FANCI: variants seen among roughly 807,000 people sequenced by gnomAD.
The protein encoded by FANCI is FA complementation group I, also known as Fanconi anemia group I protein.
In FANCI, 156 loss-of-function variants were observed where a neutral mutation model predicts 176.1. The ratio of observed to expected loss-of-function variants is 0.89; its 90% CI spans 0.78 to 1.01. The LOEUF (loss-of-function observed/expected upper bound fraction) is 1.01. Among genes scored for constraint, FANCI ranks in the 50% least tolerant of loss-of-function variants. The probability of loss-of-function intolerance (pLI) is 0.00; values close to 1 mark genes in which losing one functional copy is unlikely to be tolerated. For missense variants in FANCI, 1,678 were observed against 1,534.1 expected, an observed-to-expected ratio of 1.09 and a Z score of -1.57; for synonymous variants, 613 against 541.7, an observed-to-expected ratio of 1.13 and a Z score of -1.83.
chr15:89,296,209 C>T (rs1056300803), intron 24 of FANCI, among the ~76,000 whole-genome samples: 1 of 152,052 alleles, frequency 6.6e-6, no homozygotes, highest in African/African-American at 2.4e-5. Context: ...AGGTGATCCA[C>T]CACCCTGGCC....
intron 34 of FANCI, among the ~76,000 whole-genome samples, chr15:89,308,435 C>T (rs2054813383): frequency 6.6e-6 from 1 of 152,232 alleles, no homozygotes. Context: ...TATCACAGGG[C>T]TGTTACTGAT....
intron 18 of FANCI, among the ~76,000 whole-genome samples, chr15:89,285,596 A>C (rs2053783456): frequency 6.6e-6 from 1 of 152,358 alleles, no homozygotes; most frequent in South Asian, 2.1e-4. Flanking sequence ...CAACCCAGGC[A>C]ACAGTGAGAC....
chr15:89,249,803 T>A (rs1488160646), intron 2 of FANCI, among the ~76,000 whole-genome samples: 1 of 152,124 alleles, frequency 6.6e-6, no homozygotes, highest in Non-Finnish European at 1.5e-5. Flanking sequence ...ATTAGTAAAG[T>A]GGAATACAGA....
Position 89,281,224 on chromosome 15 carries a change from C to T in FANCI, c.1436C>T (p.Ser479Phe). 1.2e-6 allele frequency: 2 copies of T among 1,613,870 alleles called. No homozygotes were observed. Among genetic ancestry groups the T allele is most frequent in the Non-Finnish European group, 1.7e-6 (2 of 1,179,852 alleles). ...CCCTTAGTTCTTCAAAGTTGTTCTTCTAAAGTCACAGAAGCTTTTGACTAT... is the reference window on the plus strand; with the variant it reads ...CCCTTAGTTCTTCAAAGTTGTTCTTTTAAAGTCACAGAAGCTTTTGACTAT... ...YAPLVLQSCSSKVTEAFDYLS... is the reference protein window; with the variant it reads ...YAPLVLQSCSFKVTEAFDYLS... Residue 479 changes from serine (S) to phenylalanine (F), a missense_variant, in exon 15 of 38, where the codon TCT (serine) becomes TTT (phenylalanine). Coordinates refer to ENST00000310775, the MANE Select transcript of FANCI (RefSeq NM_001113378.2).
chr15:89,293,460 G>T (rs965633288), intron 22 of FANCI, among the ~76,000 whole-genome samples: 3 of 152,220 alleles, frequency 2.0e-5, no homozygotes, highest in Non-Finnish European at 4.4e-5. Flanking sequence ...GCCAAGCTGG[G>T]TGTATCACTT....
At chr15:89,287,373 A>G (rs915309732) in intron 18 of FANCI, among the ~76,000 whole-genome samples, 3 of 152,114 alleles carry the variant, frequency 2.0e-5, no homozygotes, top group African/African-American at 7.2e-5. Flanking sequence ...CATCTCTTTC[A>G]GGCTTTATAG....
At chr15:89,316,292 A>G in intron 37 of FANCI, 105 bp from the exon 38 acceptor site, 1 of 1,188,046 alleles carries the variant, frequency 8.4e-7, no homozygotes, top group African/African-American at 1.5e-5. Context: ...AGCATGACTA[A>G]CAAAGGCTTT....
intron 1 of FANCI, among the ~76,000 whole-genome samples, chr15:89,247,092 A>G (rs1336824013): frequency 1.4e-5 from 2 of 145,830 alleles, no homozygotes; most frequent in African/African-American, 5.1e-5. Context: ...TTTTTAAGAG[A>G]CAGGGTCTTA....
chr15:89,306,088 T>G lies in FANCI; in HGVS notation c.3431T>G (p.Phe1144Cys), dbSNP rs2054706954. The change falls in exon 32 of 38, where the codon TTT becomes TGT. Residue 1144 changes from phenylalanine (F) to cysteine (C), a missense_variant. Around this residue, in one of 3 missense-constraint regions of FANCI, gnomAD observed 1,204 missense variants for 1,077.4 expected, o/e 1.12. Coordinates refer to ENST00000310775, the MANE Select transcript of FANCI (RefSeq NM_001113378.2). ...ATGCAACTGGGAACTCTGCTTACAT[T>G]TTTCCACGAGCTGGTGCAGACAGCT... ...IIMQLGTLLT[F>C]FHELVQTALP... The G allele has an allele frequency of 6.2e-7, 1 of 1,614,064 alleles. No homozygotes were observed. The highest frequency in any genetic ancestry group is 1.3e-5 in the African/African-American group (1 of 74,914).
intron 13 of FANCI, among the ~76,000 whole-genome samples, chr15:89,278,166 A>C (rs1281995714): frequency 3.3e-5 from 5 of 152,204 alleles, no homozygotes; most frequent in Non-Finnish European, 7.3e-5. Flanking sequence ...GGTCTGAACG[A>C]ATTAGTCTGT....
chr15:89,313,082 G>A (rs1438903929), intron 35 of FANCI, 110 bp downstream of exon 35: 2 of 1,042,878 alleles, frequency 1.9e-6, no homozygotes, highest in Non-Finnish European at 3.0e-6. Flanking sequence ...CCATTTTCAT[G>A]AAGTGCCCAG....
intron 34 of FANCI, among the ~76,000 whole-genome samples, chr15:89,309,448 T>G (rs1180315285): frequency 6.6e-6 from 1 of 152,092 alleles, no homozygotes; most frequent in Non-Finnish European, 1.5e-5. Flanking sequence ...GTGGTGTCCA[T>G]TTGCATATTA....
At position 89,274,282 on chromosome 15, in the gene FANCI, A is replaced by G; in HGVS notation, c.1090A>G (p.Ile364Val). The G allele has an allele frequency of 6.2e-7, 1 of 1,613,664 alleles. No homozygotes were observed. The highest frequency in any genetic ancestry group is 8.5e-7 in the Non-Finnish European group (1 of 1,179,846). ...VPHRSYVSTM[I>V]LEVVKNSVHS... The stretch of plus-strand genomic sequence containing the variant: ...TCATAGATCTTATGTTTCAACCATG[A>G]TCTTGGAAGTAGTGAAGAATAGGTA... Residue 364 changes from isoleucine (I) to valine (V), a missense_variant, in exon 12 of 38, where the codon ATC (isoleucine) becomes GTC (valine). By Grantham distance (29) the Ile-to-Val change is conservative. Around this residue, in one of 3 missense-constraint regions of FANCI, gnomAD observed 469 missense variants for 436.9 expected, o/e 1.07. Coordinates refer to ENST00000310775, the MANE Select transcript of FANCI (RefSeq NM_001113378.2).
At chr15:89,283,362 T>A in intron 17 of FANCI, 112 bp downstream of exon 17, 1 of 1,498,922 alleles carries the variant, frequency 6.7e-7, no homozygotes, top group East Asian at 2.3e-5. Context: ...ATCCTAGAAC[T>A]AAAGAGTCTG....
chr15:89,303,835 C>T, intron 27 of FANCI, 29 bp from the exon 28 acceptor site: 1 of 1,605,072 alleles, frequency 6.2e-7, no homozygotes, highest in Non-Finnish European at 8.5e-7. Context: ...TGGCATGTTT[C>T]TTTAATATCT....
intron 2 of FANCI, among the ~76,000 whole-genome samples, chr15:89,251,109 T>C (rs1467821083): frequency 1.3e-5 from 2 of 151,966 alleles, no homozygotes; most frequent in African/African-American, 4.8e-5. Context: ...ATGCACAAAA[T>C]GAGAAATGAC....
intron 31 of FANCI, 82 bp downstream of exon 31, chr15:89,305,780 C>A (rs2054695671): frequency 7.1e-7 from 1 of 1,409,452 alleles, no homozygotes; most frequent in Non-Finnish European, 1.0e-6. Context: ...AAAAATGGAG[C>A]CCCTGAGCTA....
intron 9 of FANCI, among the ~76,000 whole-genome samples, chr15:89,268,050 A>G (rs968911016): frequency 1.3e-5 from 2 of 152,256 alleles, no homozygotes; most frequent in Non-Finnish European, 2.9e-5. Context: ...CTACTTGCTC[A>G]TCGTAGCACC....
At chr15:89,307,708 A>T (rs1379682125) in intron 34 of FANCI, 36 bp downstream of exon 34, 2 of 1,614,110 alleles carry the variant, frequency 1.2e-6, no homozygotes, top group African/African-American at 1.3e-5. Context: ...ATAGGTCTTC[A>T]AGAAAGGATT....
Sources: allele counts gnomAD v4.1 joint callset (sites outside exome capture counted in the v4.1 genomes callset), GRCh38; gene constraint gnomAD v4.1.1; regional missense constraint gnomAD v4.1.1; transcripts MANE v1.5; gene names NCBI Gene and HGNC (gene_info 2026-07-23, HGNC 2026-07-21).